Variants in LRP6 observed in about 807,000 individuals in gnomAD.
The protein encoded by LRP6 is low-density lipoprotein receptor-related protein 6.
In LRP6, 43 loss-of-function variants were observed where a neutral mutation model predicts 184.1. The ratio of observed to expected loss-of-function variants is 0.23; its 90% CI spans 0.18 to 0.30. The LOEUF is 0.30. Among genes scored for constraint, LRP6 ranks in the 10% least tolerant of loss-of-function variants. LRP6 has a pLI of 1.00. For synonymous variants in LRP6, 719 were observed against 684.9 expected (o/e 1.05, Z -0.78); for missense variants, 1,571 against 2,005.3 (o/e 0.78, Z 4.14).
At chr12:12,231,440 G>C (rs1055027979) in intron 2 of LRP6, among the ~76,000 whole-genome samples, 1 of 151,956 alleles carries the variant, frequency 6.6e-6, no homozygotes, top group South Asian at 2.1e-4. Flanking sequence ...GCTCTGAAAA[G>C]GTAGGAAAGA....
At chr12:12,126,985 C>A in intron 19 of LRP6, 64 bp from the exon 20 acceptor site, 1 of 1,301,994 alleles carries the variant, frequency 7.7e-7, no homozygotes, top group South Asian at 1.2e-5. Flanking sequence ...AAATAGTAAT[C>A]AAAAGAGGGC....
At chr12:12,162,801 C>G (rs1003098788) in intron 9 of LRP6, among the ~76,000 whole-genome samples, 6 of 152,184 alleles carry the variant, frequency 3.9e-5, no homozygotes, top group African/African-American at 1.4e-4. Context: ...AGTCATCATG[C>G]CTACCATATA....
chr12:12,214,683 G>C (rs1010000243), intron 2 of LRP6, among the ~76,000 whole-genome samples: 7 of 152,156 alleles, frequency 4.6e-5, no homozygotes, highest in African/African-American at 1.7e-4. Flanking sequence ...CTGTAAGCAA[G>C]CATAGAAAAA....
At chr12:12,229,559 T>C (rs1012211550) in intron 2 of LRP6, among the ~76,000 whole-genome samples, 3 of 152,208 alleles carry the variant, frequency 2.0e-5, no homozygotes, top group African/African-American at 7.2e-5. Context: ...TTGGTTGTTT[T>C]GTTTTTGTAT....
Position 12,125,546 on chromosome 12 carries a change from A to C in LRP6, c.4313-114T>G, listed in dbSNP as rs1199932007. ...TCAACAGTGAAGTAGTCTGATTTTA[A>C]AATAACTTACACTCTTTTCCTATAA... On this transcript the variant is annotated intron_variant, in intron 20 of 22. Coordinates refer to ENST00000261349, the MANE Select transcript of LRP6 (RefSeq NM_002336.3). 4.3e-6 allele frequency: 4 copies of C among 920,040 alleles called. No individual in the cohort carries two copies. In the East Asian group the frequency reaches 1.0e-4, roughly 24 times the overall value. The allele number at this position is 920,040 out of a possible 1,614,324, so 57.0% of individuals were successfully genotyped here.
chr12:12,194,187 T>A (rs1031366834), intron 3 of LRP6, among the ~76,000 whole-genome samples: 3 of 152,030 alleles, frequency 2.0e-5, no homozygotes, highest in Non-Finnish European at 4.4e-5. Flanking sequence ...AGAAAGGAAC[T>A]TCCTCAACCT....
chr12:12,228,231 T>C (rs1864682849), intron 2 of LRP6, among the ~76,000 whole-genome samples: 1 of 151,974 alleles, frequency 6.6e-6, no homozygotes. Flanking sequence ...AATTAGCTGA[T>C]GCACGCCTGT....
At chr12:12,178,043 T>C (rs1041950785) in intron 7 of LRP6, among the ~76,000 whole-genome samples, 1 of 152,122 alleles carries the variant, frequency 6.6e-6, no homozygotes, top group Admixed American at 6.6e-5. Context: ...TATATATGCA[T>C]AGCTCAAGAA....
intron 2 of LRP6, among the ~76,000 whole-genome samples, chr12:12,205,858 T>C (rs567279155): frequency 5.9e-5 from 9 of 152,340 alleles, no homozygotes; most frequent in African/African-American, 2.2e-4. Context: ...CTACCCAGAA[T>C]GAGCGGTATG....
At chr12:12,198,530 CTTTTTTTTTTTTT>C in intron 3 of LRP6, among the ~76,000 whole-genome samples, 1 of 76,990 alleles carries the variant, frequency 1.3e-5, no homozygotes, top group Admixed American at 1.8e-4. Context: ...GAATTTTTCT[CTTTTTTTTTTTTT>C]TTTTTTTTTG....
rs1267052667 is a variant in LRP6 at position 12,158,894 on chromosome 12, A to G, written c.2726T>C (p.Val909Ala). 5 of 1,614,056 alleles carry G rather than the reference A, an allele frequency of 3.1e-6. No homozygotes were observed. The highest frequency in any genetic ancestry group is 2.7e-5 in the African/African-American group (2 of 74,922). The stretch of plus-strand genomic sequence containing the variant: ...AGGGCATCCACAAACAAAACCCCCA[A>G]CTGGCACAGCCAAGCAGAGGTGGGA... ...HCSHLCLAVP[V>A]GGFVCGCPAH... Residue 909 changes from valine (V) to alanine (A), a missense_variant, in exon 12 of 23, where the codon GTT becomes GCT. Coordinates refer to ENST00000261349, the MANE Select transcript of LRP6 (RefSeq NM_002336.3).
chr12:12,172,981 G>A (rs552528529), intron 7 of LRP6, among the ~76,000 whole-genome samples: 2 of 152,290 alleles, frequency 1.3e-5, no homozygotes, highest in East Asian at 3.9e-4. Context: ...GAAAAGAATT[G>A]AAGTATCATA....
At chr12:12,169,257 T>TAATAATAAA (rs1489951519) in intron 7 of LRP6, among the ~76,000 whole-genome samples, 3 of 150,990 alleles carry the variant, frequency 2.0e-5, no homozygotes, top group Admixed American at 6.6e-5. Flanking sequence ...ATAATAATAA[T>TAATAATAAA]AAATAAAAGT....
At chr12:12,157,985 A>C (rs1259416124) in intron 12 of LRP6, among the ~76,000 whole-genome samples, 2 of 152,184 alleles carry the variant, frequency 1.3e-5, no homozygotes, top group African/African-American at 2.4e-5. Flanking sequence ...CACACACACA[A>C]AAAAATCTAG....
rs767371492 is a variant in LRP6, at chr12:12,147,363, T to C, written c.3397+3A>G. On this transcript the variant is annotated splice_donor_region_variant and intron_variant, in intron 15 of 22. Transcript: ENST00000261349. ...AAAATAAGGAAACATATTTCTTGGG[T>C]ACCTGAGAGATCACTGCTTTCAATT... 3.1e-6 allele frequency: 5 copies of C among 1,614,038 alleles called. No individual in the cohort carries two copies. The East Asian group carries it at 8.9e-5, about 29-fold the overall frequency.
intron 17 of LRP6, 30 bp from the exon 18 acceptor site, chr12:12,132,087 CA>C: frequency 7.0e-7 from 1 of 1,418,746 alleles, no homozygotes; most frequent in Non-Finnish European, 1.0e-6. Flanking sequence ...AGGGGAGTGA[CA>C]AAAACACAAT....
At chr12:12,206,552 A>T (rs961831017) in intron 2 of LRP6, among the ~76,000 whole-genome samples, 2 of 151,924 alleles carry the variant, frequency 1.3e-5, no homozygotes, top group Non-Finnish European at 1.5e-5. Flanking sequence ...CAAAAAAAAA[A>T]AAAAAAAAGA....
intron 18 of LRP6, among the ~76,000 whole-genome samples, chr12:12,131,096 C>CTTTTTTTT (rs1949746766): frequency 5.7e-5 from 6 of 105,346 alleles, no homozygotes; most frequent in African/African-American, 1.7e-4. Context: ...AATTTCCTAA[C>CTTTTTTTT]ATTTTTTTTT....
At chr12:12,130,475 C>G (rs1484912866) in intron 19 of LRP6, among the ~76,000 whole-genome samples, 1 of 152,180 alleles carries the variant, frequency 6.6e-6, no homozygotes, top group Non-Finnish European at 1.5e-5. Flanking sequence ...TGTGAGCCAC[C>G]ACGCCCGGCT....
Sources: allele counts gnomAD v4.1 joint callset (sites outside exome capture counted in the v4.1 genomes callset), GRCh38; gene constraint gnomAD v4.1.1; transcripts MANE v1.5; gene names NCBI Gene and HGNC (gene_info 2026-07-23, HGNC 2026-07-21).